The following STXBP5L variants were observed in gnomAD, a reference collection of about 807,000 sequenced individuals.
The protein encoded by STXBP5L is syntaxin binding protein 5L.
A neutral mutation model predicts 144.5 loss-of-function variants in STXBP5L; 65 were observed. That is an observed-to-expected ratio of 0.45 (90% CI 0.37 to 0.55). The LOEUF is 0.55. Among genes scored for constraint, STXBP5L ranks in the 20% least tolerant of loss-of-function variants. The pLI, the probability that STXBP5L is intolerant of heterozygous loss-of-function variation, is 0.00. For synonymous variants in STXBP5L, 505 were observed against 469.6 expected (o/e 1.08, Z -0.97); for missense variants, 1,298 against 1,405.5 (o/e 0.92, Z 1.22).
intron 7 of STXBP5L, among the ~76,000 whole-genome samples, chr3:121,128,127 T>C (rs909564951): frequency 6.6e-6 from 1 of 151,986 alleles, no homozygotes; most frequent in Non-Finnish European, 1.5e-5. Context: ...ATGAAATGTG[T>C]TTAGAGTGGT....
intron 3 of STXBP5L, among the ~76,000 whole-genome samples, chr3:121,023,503 G>C (rs1945709252): frequency 6.6e-6 from 1 of 152,086 alleles, no homozygotes; most frequent in Non-Finnish European, 1.5e-5. Flanking sequence ...TACACTACAA[G>C]GCTATGGTTA....
At chr3:120,951,062 C>A (rs1034048487) in intron 2 of STXBP5L, among the ~76,000 whole-genome samples, 1 of 152,134 alleles carries the variant, frequency 6.6e-6, no homozygotes, top group African/African-American at 2.4e-5. Context: ...AAAGGATTCC[C>A]TATTTAATAA....
chr3:121,132,929 T>C (rs2045062443), intron 7 of STXBP5L, among the ~76,000 whole-genome samples: 1 of 151,866 alleles, frequency 6.6e-6, no homozygotes, highest in African/African-American at 2.4e-5. Flanking sequence ...CTAGAAATAA[T>C]TCAGACAGAA....
intron 19 of STXBP5L, among the ~76,000 whole-genome samples, chr3:121,313,606 A>ACC (rs1227015153): frequency 1.6e-4 from 2 of 12,608 alleles, no homozygotes; most frequent in Admixed American, 8.1e-4. Flanking sequence ...CGGCTGGCCG[A>ACC]CCCCCCCCCC....
At chr3:120,945,306 C>A (rs1260477577) in intron 2 of STXBP5L, among the ~76,000 whole-genome samples, 1 of 151,652 alleles carries the variant, frequency 6.6e-6, no homozygotes, top group Non-Finnish European at 1.5e-5. Flanking sequence ...AAATCTTCTA[C>A]CTAGAATAAT....
Position 121,318,451 on chromosome 3 carries a change from CA to C in STXBP5L, c.2111-23del, listed in dbSNP as rs780318896. 144 of 1,525,840 alleles carry C rather than the reference CA, an allele frequency of 9.4e-5. 1 individual carries two copies. In the African/African-American group the frequency reaches 1.9e-3, roughly 20 times the overall value. The allele number at this position is 1,525,840 out of a possible 1,614,324, so 94.5% of individuals were successfully genotyped here. A position where few individuals can be genotyped will look rare whatever the true frequency, so the allele number is the denominator to read the frequency against. On this transcript the variant is annotated intron_variant, in intron 19 of 26. Coordinates refer to ENST00000471454, the MANE Select transcript of STXBP5L (RefSeq NM_001308330.2). ...TACAAAATGCTAGCAAAATTTATCT[CA>C]TTTTTTTTCATTGTATTTTCAGGTT...
At chr3:121,142,773 A>T (rs529850214) in intron 7 of STXBP5L, among the ~76,000 whole-genome samples, 1 of 151,928 alleles carries the variant, frequency 6.6e-6, no homozygotes, top group Non-Finnish European at 1.5e-5. Context: ...AGTTCTAGCA[A>T]TAAATGCTTA....
intron 3 of STXBP5L, among the ~76,000 whole-genome samples, chr3:120,991,826 G>A (rs917139896): frequency 3.4e-4 from 51 of 149,286 alleles, no homozygotes; most frequent in Non-Finnish European, 6.0e-4. Flanking sequence ...TGGGGGCAGG[G>A]GGGAGGGATA....
intron 25 of STXBP5L, among the ~76,000 whole-genome samples, chr3:121,417,902 AAGAGAG>A (rs755706368): frequency 6.6e-6 from 1 of 152,132 alleles, no homozygotes. Context: ...GAGAGACAGA[AAGAGAG>A]AGAAAGAGAA....
At position 121,121,756 on chromosome 3, in the gene STXBP5L, AAAG is replaced by A. The variant is rs749528429; in HGVS notation, c.669+53_669+55del. ...AGTTTTATTTTCCTCATTCTTGAAA[AAAG>A]GTGTTTCTTACTATTATTTTATATC... On this transcript the variant is annotated intron_variant, in intron 7 of 26. Coordinates refer to ENST00000471454, the MANE Select transcript of STXBP5L (RefSeq NM_001308330.2). 3 of 1,378,772 alleles carry A rather than the reference AAAG, an allele frequency of 2.2e-6. No homozygotes were observed. The South Asian group carries it at 3.7e-5, about 17-fold the overall frequency. The allele number at this position is 1,378,772 out of a possible 1,614,324, so 85.4% of individuals were successfully genotyped here.
chr3:121,088,157 C>T (rs1359640285), intron 5 of STXBP5L, among the ~76,000 whole-genome samples: 1 of 148,148 alleles, frequency 6.8e-6, no homozygotes, highest in Non-Finnish European at 1.5e-5. Flanking sequence ...AACAGGCAAA[C>T]TACAACATGG....
At chr3:121,307,087 A>T (rs937836059) in intron 19 of STXBP5L, among the ~76,000 whole-genome samples, 1 of 152,152 alleles carries the variant, frequency 6.6e-6, no homozygotes, top group Non-Finnish European at 1.5e-5. Context: ...AAGCAACCTC[A>T]AAGTCTTCAC....
chr3:121,201,369 A>G (rs2048132058), intron 9 of STXBP5L, among the ~76,000 whole-genome samples: 2 of 152,176 alleles, frequency 1.3e-5, no homozygotes, highest in African/African-American at 4.8e-5. Context: ...TTTGCTTGGT[A>G]AATATTCCTC....
intron 3 of STXBP5L, among the ~76,000 whole-genome samples, chr3:120,977,027 T>A (rs1310366906): frequency 6.6e-6 from 1 of 152,152 alleles, no homozygotes; most frequent in African/African-American, 2.4e-5. Flanking sequence ...TTCTGTTGAT[T>A]TGGGGTGGAG....
chr3:121,097,940 C>T (rs922522213), intron 5 of STXBP5L, among the ~76,000 whole-genome samples: 2 of 152,066 alleles, frequency 1.3e-5, no homozygotes, highest in Admixed American at 6.5e-5. Flanking sequence ...TTACGTTGAA[C>T]GTAAAGCCAA....
intron 18 of STXBP5L, among the ~76,000 whole-genome samples, chr3:121,260,449 G>T (rs1166423511): frequency 6.6e-6 from 1 of 151,722 alleles, no homozygotes; most frequent in Non-Finnish European, 1.5e-5. Context: ...CTGAATTTGT[G>T]TCTTATTTAA....
At chr3:121,236,280 T>G (rs1282408492) in intron 12 of STXBP5L, among the ~76,000 whole-genome samples, 1 of 152,196 alleles carries the variant, frequency 6.6e-6, no homozygotes, top group Non-Finnish European at 1.5e-5. Context: ...GCAAAAAAAT[T>G]TAAAAGTTTC....
At chr3:121,058,222 G>A (rs540522726) in intron 5 of STXBP5L, among the ~76,000 whole-genome samples, 10 of 152,228 alleles carry the variant, frequency 6.6e-5, no homozygotes, top group South Asian at 4.2e-4. Flanking sequence ...GAGAATATGC[G>A]GTGTTTGGTT....
Position 121,223,008 on chromosome 3 carries a change from C to A in STXBP5L, c.962C>A (p.Pro321Gln). 6.3e-7 allele frequency: 1 copy of A among 1,597,426 alleles called. No individual in the cohort carries two copies. Among genetic ancestry groups the A allele is most frequent in the Middle Eastern group, 1.7e-4 (1 of 5,938 alleles). Residue 321 changes from proline to glutamine, a missense_variant, in exon 11 of 27, where the codon CCA becomes CAA. Transcript: ENST00000471454. The part of the protein sequence containing the change: ...VEYKTCKNSE[P>Q]FIIFSGGLSY... Reference sequence around the variant, plus strand: ...TCATGTTTTTTCCTATGTAGCGAACCATTCATAATATTCTCTGGTGGGCTG... The same window carrying A: ...TCATGTTTTTTCCTATGTAGCGAACAATTCATAATATTCTCTGGTGGGCTG...
Sources: allele counts gnomAD v4.1 joint callset (sites outside exome capture counted in the v4.1 genomes callset), GRCh38; gene constraint gnomAD v4.1.1; transcripts MANE v1.5; gene names NCBI Gene and HGNC (gene_info 2026-07-23, HGNC 2026-07-21).